Variants in DGLUCY observed in about 807,000 individuals in gnomAD.
DGLUCY encodes D-glutamate cyclase, mitochondrial.
A neutral mutation model predicts 58.5 loss-of-function variants in DGLUCY; 58 were observed. The ratio of observed to expected loss-of-function variants is 0.99; its 90% CI spans 0.80 to 1.23. The LOEUF is 1.23. Among genes scored for constraint, DGLUCY ranks in the 50% most tolerant of loss-of-function variants. The pLI is 0.00. For synonymous variants in DGLUCY, 325 were observed against 314.1 expected, an observed-to-expected ratio of 1.03 and a Z score of -0.37; for missense variants, 779 against 784.7, an observed-to-expected ratio of 0.99 and a Z score of 0.09.
intron 12 of DGLUCY, among the ~76,000 whole-genome samples, chr14:91,214,019 A>AT (rs200688850): frequency 0.022 from 2,404 of 110,114 alleles, 65 homozygotes; most frequent in African/African-American, 0.075. Flanking sequence ...TTTGTTTGTT[A>AT]TTTTTTTTGT....
chr14:91,191,116 C>A (rs534469112), intron 9 of DGLUCY, among the ~76,000 whole-genome samples: 1 of 152,370 alleles, frequency 6.6e-6, no homozygotes, highest in Admixed American at 6.5e-5. Context: ...AGGGCACCCT[C>A]AACCCCTGGG....
At chr14:91,079,359 CTTTTT>C in intron 1 of DGLUCY, among the ~76,000 whole-genome samples, 1 of 141,186 alleles carries the variant, frequency 7.1e-6, no homozygotes, top group Admixed American at 7.2e-5. Context: ...CTTTTCTTTT[CTTTTT>C]TTTTTTTTTA....
Position 91,154,920 on chromosome 14 carries a change from A to G in DGLUCY, c.-81-2719A>G, listed in dbSNP as rs533254371. Among the ~76,000 whole-genome samples, 5 of 151,768 alleles carry G rather than the reference A, an allele frequency of 3.3e-5. No homozygotes were observed. In the South Asian group the frequency reaches 8.3e-4, roughly 25 times the overall value. ...TTCCTTTCCAGACCCAGCTCCCGCCACCTCCTGCCTTGTGTCAGGCTCTGC... is the reference window on the plus strand; with the variant it reads ...TTCCTTTCCAGACCCAGCTCCCGCCGCCTCCTGCCTTGTGTCAGGCTCTGC... On this transcript the variant is annotated intron_variant, in intron 1 of 13. Transcript: ENST00000256324.
At chr14:91,154,487 A>G (rs973123043) in intron 1 of DGLUCY, among the ~76,000 whole-genome samples, 1 of 152,198 alleles carries the variant, frequency 6.6e-6, no homozygotes, top group African/African-American at 2.4e-5. Context: ...TTACATTGCC[A>G]GGGTGAAATT....
At chr14:91,119,206 A>T (rs547696071) in intron 1 of DGLUCY, among the ~76,000 whole-genome samples, 1 of 152,098 alleles carries the variant, frequency 6.6e-6, no homozygotes, top group South Asian at 2.1e-4. Flanking sequence ...AGCTTCCTCC[A>T]TCTTGTTGCT....
At chr14:91,101,719 T>G (rs1193615191) in intron 1 of DGLUCY, among the ~76,000 whole-genome samples, 2 of 152,192 alleles carry the variant, frequency 1.3e-5, no homozygotes, top group Admixed American at 1.3e-4. Flanking sequence ...GTACATGTCT[T>G]TCTGGGGAGG....
At chr14:91,123,550 A>C (rs920706780) in intron 1 of DGLUCY, among the ~76,000 whole-genome samples, 1 of 151,992 alleles carries the variant, frequency 6.6e-6, no homozygotes, top group African/African-American at 2.4e-5. Context: ...AGCCTAGTGC[A>C]TCAAGTTTAG....
At chr14:91,132,635 C>T (rs1445100730) in intron 1 of DGLUCY, among the ~76,000 whole-genome samples, 2 of 152,084 alleles carry the variant, frequency 1.3e-5, no homozygotes, top group South Asian at 2.1e-4. Context: ...CCCGCCACTG[C>T]GCCCGGCTAA....
rs543646489 is a variant in DGLUCY, at chr14:91,191,552, G to A, written c.1195+2382G>A. On this transcript the variant is annotated intron_variant, in intron 9 of 13. Coordinates refer to ENST00000256324, the MANE Select transcript of DGLUCY (RefSeq NM_001102368.3). ...TAGAGCAGCAACCTTGAAGGTGCAC[G>A]TTCCCTCCTTCCCAGCCTCATTCTC... 4.6e-5 allele frequency among the ~76,000 whole-genome samples: 7 copies of A among 152,218 alleles called. No individual in the cohort carries two copies. In the South Asian group the frequency reaches 6.2e-4, roughly 14 times the overall value.
At chr14:91,108,754 T>C (rs866949685) in intron 1 of DGLUCY, among the ~76,000 whole-genome samples, 2 of 152,108 alleles carry the variant, frequency 1.3e-5, no homozygotes, top group Non-Finnish European at 2.9e-5. Context: ...GCCAGACTGG[T>C]CTTGAACTCC....
chr14:91,172,347 G>C (rs958262678), intron 5 of DGLUCY, among the ~76,000 whole-genome samples: 1 of 152,122 alleles, frequency 6.6e-6, no homozygotes, highest in South Asian at 2.1e-4. Context: ...CCAAAGTGCT[G>C]GTATTACAGG....
At chr14:91,134,253 T>C (rs1043683033) in intron 1 of DGLUCY, among the ~76,000 whole-genome samples, 2 of 152,234 alleles carry the variant, frequency 1.3e-5, no homozygotes, top group African/African-American at 4.8e-5. Context: ...AGAACAGATA[T>C]ATTTACAACA....
intron 1 of DGLUCY, among the ~76,000 whole-genome samples, chr14:91,070,835 A>C (rs1376064532): frequency 6.6e-6 from 1 of 152,248 alleles, no homozygotes; most frequent in Non-Finnish European, 1.5e-5. Flanking sequence ...AAACTTAACC[A>C]AAATGAAGAC....
chr14:91,106,255 C>T (rs2044586902), upstream of DGLUCY, among the ~76,000 whole-genome samples: 1 of 151,594 alleles, frequency 6.6e-6, no homozygotes, highest in South Asian at 2.1e-4. Context: ...TTACAGTGAG[C>T]CAAGATCTGC....
Position 91,188,939 on chromosome 14 carries a change from A to G in DGLUCY, c.964A>G (p.Lys322Glu), listed in dbSNP as rs929871346. The G allele has an allele frequency of 5.6e-6, 9 of 1,614,206 alleles. No homozygotes were observed. The highest frequency in any genetic ancestry group is 7.6e-6 in the Non-Finnish European group (9 of 1,180,032). ...CCGGGGGATTGGGCACCTGCTCTGTAAAGATGAGCTGCTGAAGGCCTCTCT... is the reference window on the plus strand; with the variant it reads ...CCGGGGGATTGGGCACCTGCTCTGTGAAGATGAGCTGCTGAAGGCCTCTCT... The part of the protein sequence containing the change: ...GNRGIGHLLC[K>E]DELLKASLSL... Residue 322 changes from lysine (K) to glutamate (E), a missense_variant, in exon 9 of 14, where the codon AAA becomes GAA. By Grantham distance (56) the Lys-to-Glu change is moderately conservative. Transcript: ENST00000256324.
At position 91,175,932 on chromosome 14, in the gene DGLUCY, A is replaced by G. The variant is rs764201769; in HGVS notation, c.608-2A>G. ...AATTACATTTTCCTTTTCCATCTGC[A>G]GAACTGTTGGGAATCAAAGAGCTTT... On this transcript the variant is annotated splice_acceptor_variant, in intron 6 of 13. Transcript: ENST00000256324. LOFTEE classifies it high-confidence loss of function. 1.4e-5 allele frequency: 22 copies of G among 1,613,800 alleles called. No homozygotes were observed. Among genetic ancestry groups the G allele is most frequent in the South Asian group, 5.5e-5 (5 of 91,082 alleles).
chr14:91,186,500 G>C lies in DGLUCY; in HGVS notation c.935-2410G>C, dbSNP rs2049532508. Among the ~76,000 whole-genome samples the C allele has an allele frequency of 3.9e-5, 6 of 152,254 alleles. 1 individual carries two copies. The South Asian group carries it at 1.2e-3, about 32-fold the overall frequency. On this transcript the variant is annotated intron_variant, in intron 8 of 13. Transcript: ENST00000256324. ...GACCATGGATCAGGTGATGGATCAG[G>C]TGATCCATCTGCCTCAGCCTCCCAA...
At chr14:91,090,288 A>T (rs2044290397) in intron 1 of DGLUCY, among the ~76,000 whole-genome samples, 1 of 151,932 alleles carries the variant, frequency 6.6e-6, no homozygotes, top group Non-Finnish European at 1.5e-5. Context: ...CTCGGTGAGG[A>T]CCACTTACTC....
chr14:91,204,994 A>G (rs555377602), intron 12 of DGLUCY, 169 bp downstream of exon 12: 15 of 869,490 alleles, frequency 1.7e-5, no homozygotes, highest in Admixed American at 2.5e-5. Context: ...TCATTCAACA[A>G]ACATTTACAG....
Sources: gnomAD v4.1 joint callset for allele counts (sites outside exome capture counted in the v4.1 genomes callset) on GRCh38, gnomAD v4.1.1 for gene constraint, MANE v1.5 for transcripts, NCBI Gene and HGNC (gene_info 2026-07-23, HGNC 2026-07-21) for gene names.